The following CHD7 variants were observed in gnomAD, a reference collection of about 807,000 sequenced individuals.
CHD7 encodes chromodomain helicase DNA binding protein 7.
Under a neutral mutation model 307.3 loss-of-function variants are expected in CHD7, and 24 were observed. That is an observed-to-expected ratio of 0.08 (90% CI 0.06 to 0.11). The LOEUF is 0.11. Among genes scored for constraint, CHD7 ranks in the 10% least tolerant of loss-of-function variants. The probability of loss-of-function intolerance (pLI) is 1.00; values close to 1 mark genes in which losing one functional copy is unlikely to be tolerated. For missense variants in CHD7, 3,106 were observed against 3,727.1 expected (o/e 0.83, Z 4.34); for synonymous variants, 1,363 against 1,349.9 (o/e 1.01, Z -0.21).
At chr8:60,824,851 G>A (rs1339968786) in intron 13 of CHD7, 2 of 151,998 alleles carry the variant, frequency 1.3e-5, no homozygotes, top group East Asian at 3.9e-4. Flanking sequence ...AGGAGTAGAA[G>A]GATTTGATTT....
intron 2 of CHD7, among the ~76,000 whole-genome samples, chr8:60,760,406 G>A (rs927397228): frequency 4.8e-5 from 7 of 147,152 alleles, no homozygotes; most frequent in Admixed American, 6.8e-5. Flanking sequence ...GAAAACCTAG[G>A]CATTACCATT....
chr8:60,836,501 T>C (rs1804746145), intron 16 of CHD7, among the ~76,000 whole-genome samples: 1 of 152,216 alleles, frequency 6.6e-6, no homozygotes, highest in Non-Finnish European at 1.5e-5. Flanking sequence ...TATTTCCCCA[T>C]TGCCTTTATT....
At chr8:60,773,446 A>G (rs141883696) in intron 2 of CHD7, among the ~76,000 whole-genome samples, 4 of 152,372 alleles carry the variant, frequency 2.6e-5, no homozygotes, top group African/African-American at 9.6e-5. Context: ...ATGAAGCAAC[A>G]GAGACACATC....
chr8:60,718,170 C>T (rs1349142722), intron 1 of CHD7, among the ~76,000 whole-genome samples: 1 of 148,700 alleles, frequency 6.7e-6, no homozygotes, highest in Admixed American at 6.7e-5. Flanking sequence ...GTATGTCTGT[C>T]TTAGTTTTTA....
At chr8:60,689,289 G>A (rs2035456) in intron 1 of CHD7, among the ~76,000 whole-genome samples, 124,839 of 152,208 alleles carry the variant, frequency 0.82, 51,517 homozygotes, top group East Asian at 0.94. Flanking sequence ...AAGAACAGTA[G>A]CTCCAAGGGG....
chr8:60,849,827 C>A (rs563358487), intron 25 of CHD7, among the ~76,000 whole-genome samples: 2 of 152,306 alleles, frequency 1.3e-5, no homozygotes, highest in African/African-American at 4.8e-5. Flanking sequence ...TAGTACACAT[C>A]CTAATTGAAT....
Position 60,842,002 on chromosome 8 carries a change from C to A in CHD7, c.4800C>A (p.Gly1600=). 1 of 1,613,958 alleles carries A rather than the reference C, an allele frequency of 6.2e-7. No individual in the cohort carries two copies. The highest frequency in any genetic ancestry group is 1.3e-5 in the African/African-American group (1 of 75,044). ...KPRRPQDKSQ[G]YARSECFRVE... ...GGCGTCCCCAGGATAAGTCACAGGG[C>A]TATGCAAGGAGTGAATGTTTCAGGG... is the stretch of plus-strand genomic sequence containing the variant. Residue 1600 remains glycine (G), a synonymous_variant, in exon 21 of 38, where the codon GGC becomes GGA. Coordinates refer to ENST00000423902, the MANE Select transcript of CHD7 (RefSeq NM_017780.4).
chr8:60,725,326 G>C (rs180915455), intron 1 of CHD7, among the ~76,000 whole-genome samples: 1 of 152,200 alleles, frequency 6.6e-6, no homozygotes, highest in African/African-American at 2.4e-5. Flanking sequence ...AATTTCTTGT[G>C]GTTTCTTCAT....
chr8:60,722,405 T>C (rs1807953844), intron 1 of CHD7, among the ~76,000 whole-genome samples: 1 of 152,206 alleles, frequency 6.6e-6, no homozygotes, highest in Admixed American at 6.5e-5. Flanking sequence ...ATGTTTTGTG[T>C]TGTACAAGTT....
chr8:60,741,348 A>T lies in CHD7; in HGVS notation c.-85A>T. 1.1e-6 allele frequency: 1 copy of T among 914,136 alleles called. No homozygotes were observed. Among genetic ancestry groups the T allele is most frequent in the Non-Finnish European group, 1.7e-6 (1 of 600,232 alleles). The allele number at this position is 914,136 out of a possible 1,614,324, so 56.6% of individuals were successfully genotyped here. A position where few individuals can be genotyped will look rare whatever the true frequency, so the allele number is the denominator to read the frequency against. The stretch of plus-strand genomic sequence containing the variant: ...ATGAAGAAGATTAGTTAAGGATTAT[A>T]GGCTTTGAGGGCAAACACCTCAGTG... On this transcript the variant is annotated 5_prime_UTR_variant, in exon 2 of 38. Coordinates refer to ENST00000423902, the MANE Select transcript of CHD7 (RefSeq NM_017780.4).
At chr8:60,684,821 G>A (rs1041852330) in intron 1 of CHD7, among the ~76,000 whole-genome samples, 1 of 152,240 alleles carries the variant, frequency 6.6e-6, no homozygotes, top group South Asian at 2.1e-4. Context: ...GATTGAATTG[G>A]TGGGTGCAGA....
chr8:60,852,368 A>C, intron 29 of CHD7, 121 bp downstream of exon 29: 1 of 1,291,354 alleles, frequency 7.7e-7, no homozygotes, highest in African/African-American at 1.5e-5. Context: ...GGCTCGCTCC[A>C]ACAAAGCAGT....
At chr8:60,747,912 A>G (rs1003891098) in intron 2 of CHD7, among the ~76,000 whole-genome samples, 1 of 152,260 alleles carries the variant, frequency 6.6e-6, no homozygotes, top group African/African-American at 2.4e-5. Context: ...AGTGCTTAAC[A>G]GTGGGGACTC....
At chr8:60,719,323 G>A (rs1807779276) in intron 1 of CHD7, among the ~76,000 whole-genome samples, 1 of 152,162 alleles carries the variant, frequency 6.6e-6, no homozygotes, top group Admixed American at 6.5e-5. Flanking sequence ...TTCCAGAGCA[G>A]GAATATGAAA....
intron 14 of CHD7, 114 bp downstream of exon 14, chr8:60,828,920 T>C (rs967919350): frequency 9.0e-5 from 82 of 911,448 alleles, no homozygotes; most frequent in Non-Finnish European, 1.3e-4. Flanking sequence ...TCCCACCTAG[T>C]ACACAGAACC....
At chr8:60,823,539 T>C (rs1460056441) in intron 12 of CHD7, among the ~76,000 whole-genome samples, 1 of 152,140 alleles carries the variant, frequency 6.6e-6, no homozygotes, top group Non-Finnish European at 1.5e-5. Context: ...TTTGGGAAAT[T>C]ATTATAAATT....
In CHD7 at chr8:60,799,547, A is replaced by T. The variant is rs530107883; in HGVS notation, c.2239-841A>T. Among the ~76,000 whole-genome samples, 442 of 152,368 alleles carry T rather than the reference A, an allele frequency of 2.9e-3. 4 individuals are homozygous for T. Among genetic ancestry groups the T allele is most frequent in the African/African-American group, 0.01 (423 of 41,586 alleles). On this transcript the variant is annotated intron_variant, in intron 4 of 37. Coordinates refer to ENST00000423902, the MANE Select transcript of CHD7 (RefSeq NM_017780.4). The stretch of plus-strand genomic sequence containing the variant: ...AAATTTTCAGAGTATTTCTTTTAGG[A>T]TCAAGATTAAAATACAAAAACCTTT...
In CHD7 at chr8:60,830,434, A is replaced by C; in HGVS notation, c.3635A>C (p.Asn1212Thr). 6.2e-7 allele frequency: 1 copy of C among 1,614,018 alleles called. No homozygotes were observed. Among genetic ancestry groups the C allele is most frequent in the Non-Finnish European group, 8.5e-7 (1 of 1,179,896 alleles). ...ACTATTATTGAAGTTGAGCTAACAA[A>C]CATTCAGAAGAAATATTACCGAGCC... The part of the protein sequence containing the change: ...EETIIEVELT[N>T]IQKKYYRAIL... The change falls in exon 15 of 38, where the codon AAC becomes ACC. Residue 1212 changes from asparagine (N) to threonine (T), a missense_variant. By Grantham distance (65) the Asn-to-Thr change is moderately conservative. Transcript: ENST00000423902.
At chr8:60,845,687 A>G (rs756808767) in intron 23 of CHD7, among the ~76,000 whole-genome samples, 4 of 152,220 alleles carry the variant, frequency 2.6e-5, no homozygotes, top group Admixed American at 6.5e-5. Context: ...GTCAAGTTGC[A>G]GGAGAGCGTA....
Sources: gnomAD v4.1 joint callset for allele counts (sites outside exome capture counted in the v4.1 genomes callset) on GRCh38, gnomAD v4.1.1 for gene constraint, MANE v1.5 for transcripts, NCBI Gene and HGNC (gene_info 2026-07-23, HGNC 2026-07-21) for gene names.